Variants in SPIDR observed in about 807,000 individuals in gnomAD.
SPIDR encodes scaffold protein involved in DNA repair.
In SPIDR, 93 loss-of-function variants were observed where a neutral mutation model predicts 104.6. That is an observed-to-expected ratio of 0.89 (90% CI 0.75 to 1.06). The LOEUF (loss-of-function observed/expected upper bound fraction) is 1.06, where lower values mean the gene tolerates loss of function less well. SPIDR is among the 50% of genes least tolerant of loss of function. SPIDR has a pLI of 0.00. For missense variants in SPIDR, 1,154 were observed against 1,111.2 expected (o/e 1.04, Z -0.55); for synonymous variants, 431 against 416.9 (o/e 1.03, Z -0.41).
At chr8:47,636,926 G>GAACA (rs1236677216) in intron 10 of SPIDR, among the ~76,000 whole-genome samples, 1 of 152,080 alleles carries the variant, frequency 6.6e-6, no homozygotes, top group Non-Finnish European at 1.5e-5. Context: ...TCCTTCTGAG[G>GAACA]GTATTGATTA....
intron 5 of SPIDR, among the ~76,000 whole-genome samples, chr8:47,369,646 A>G (rs1014607808): frequency 4.6e-5 from 7 of 152,230 alleles, no homozygotes; most frequent in East Asian, 3.9e-4. Flanking sequence ...ATTGTCCCCA[A>G]TACAAGCCCA....
At chr8:47,362,408 T>A (rs2056198551) in intron 5 of SPIDR, among the ~76,000 whole-genome samples, 1 of 152,098 alleles carries the variant, frequency 6.6e-6, no homozygotes, top group Non-Finnish European at 1.5e-5. Flanking sequence ...CTTGAACACA[T>A]CTCCCCTGGT....
At position 47,653,389 on chromosome 8, in the gene SPIDR, G is replaced by A. The variant is rs540207433; in HGVS notation, c.1545-20412G>A. On this transcript the variant is annotated intron_variant, in intron 10 of 19. Transcript: ENST00000297423. ...CCAAATGGCCTCTCATTTGGTAGTC[G>A]GTTGGGGAATGCATGAGAGAAAATA... is the stretch of plus-strand genomic sequence containing the variant. 3.3e-5 allele frequency among the ~76,000 whole-genome samples: 5 copies of A among 152,242 alleles called. No individual in the cohort carries two copies. In the East Asian group the frequency reaches 5.8e-4, roughly 18 times the overall value.
chr8:47,655,108 T>G (rs1278143729), intron 10 of SPIDR, among the ~76,000 whole-genome samples: 2 of 152,358 alleles, frequency 1.3e-5, no homozygotes, highest in Non-Finnish European at 2.9e-5. Flanking sequence ...TGCCACATTT[T>G]CTTAATCCAG....
At chr8:47,390,587 C>T (rs1554651169) in intron 5 of SPIDR, among the ~76,000 whole-genome samples, 1 of 146,382 alleles carries the variant, frequency 6.8e-6, no homozygotes, top group African/African-American at 2.5e-5. Flanking sequence ...TCAACCATAC[C>T]ATTAAAAAAA....
chr8:47,366,445 C>G (rs1386757894), intron 5 of SPIDR, among the ~76,000 whole-genome samples: 1 of 151,942 alleles, frequency 6.6e-6, no homozygotes, highest in Admixed American at 6.6e-5. Flanking sequence ...AGGCTGTGCA[C>G]AGACAGAAAG....
In SPIDR at chr8:47,594,781, G is replaced by A. The variant is rs149259761; in HGVS notation, c.1098-1030G>A. On this transcript the variant is annotated intron_variant, in intron 8 of 19. Coordinates refer to ENST00000297423, the MANE Select transcript of SPIDR (RefSeq NM_001080394.4). ...GGCCAAGGTGGGTGGATCACTTGAA[G>A]TCAGGAGTTTGAGACCAATCTGGCC... 1.3e-3 allele frequency among the ~76,000 whole-genome samples: 191 copies of A among 152,188 alleles called. 1 individual carries two copies. In the East Asian group the frequency reaches 0.028, roughly 23 times the overall value.
chr8:47,518,152 A>G (rs970530295), intron 8 of SPIDR, among the ~76,000 whole-genome samples: 6 of 152,190 alleles, frequency 3.9e-5, no homozygotes, highest in African/African-American at 1.4e-4. Context: ...ATTGGTGGCA[A>G]TTCATAGATA....
At chr8:47,280,807 G>A (rs1364224892) in intron 2 of SPIDR, among the ~76,000 whole-genome samples, 2 of 152,162 alleles carry the variant, frequency 1.3e-5, no homozygotes, top group African/African-American at 2.4e-5. Context: ...CAGAGTGCCG[G>A]GATTATAGGT....
chr8:47,733,372 G>A (rs1032228346), intron 19 of SPIDR, among the ~76,000 whole-genome samples: 21 of 152,170 alleles, frequency 1.4e-4, no homozygotes, highest in Admixed American at 5.2e-4. Context: ...GGGTGACAGA[G>A]CAAGACTCAG....
At chr8:47,510,000 T>C (rs1397386521) in intron 8 of SPIDR, among the ~76,000 whole-genome samples, 1 of 152,198 alleles carries the variant, frequency 6.6e-6, no homozygotes, top group Non-Finnish European at 1.5e-5. Context: ...ATTTGTGTCA[T>C]GTCAAATGTT....
intron 10 of SPIDR, among the ~76,000 whole-genome samples, chr8:47,601,206 A>G (rs527631794): frequency 1.5e-4 from 23 of 152,032 alleles, no homozygotes; most frequent in African/African-American, 5.3e-4. Context: ...GTTAATGAAT[A>G]TGCATTCTGT....
At chr8:47,303,067 C>G (rs9643810) in intron 5 of SPIDR, among the ~76,000 whole-genome samples, 1 of 152,336 alleles carries the variant, frequency 6.6e-6, no homozygotes, top group African/African-American at 2.4e-5. Flanking sequence ...GGCAGGCAGG[C>G]CTCCTTGAGC....
chr8:47,500,597 G>C (rs778029401), intron 8 of SPIDR, among the ~76,000 whole-genome samples: 43 of 152,132 alleles, frequency 2.8e-4, no homozygotes, highest in Non-Finnish European at 5.4e-4. Flanking sequence ...TAGGTTGCCT[G>C]TTCACTCTGA....
chr8:47,473,620 T>C (rs782073883), intron 8 of SPIDR, among the ~76,000 whole-genome samples: 11 of 152,234 alleles, frequency 7.2e-5, no homozygotes, highest in Non-Finnish European at 1.5e-4. Flanking sequence ...CACACGCGTC[T>C]ATTTTAGCAC....
At chr8:47,637,238 C>G (rs868444488) in intron 10 of SPIDR, among the ~76,000 whole-genome samples, 21 of 152,302 alleles carry the variant, frequency 1.4e-4, no homozygotes, top group African/African-American at 4.8e-4. Context: ...TCTTTTATGA[C>G]TTTAACAGTT....
chr8:47,453,496 A>G (rs1004250340), intron 8 of SPIDR, among the ~76,000 whole-genome samples: 9 of 152,182 alleles, frequency 5.9e-5, no homozygotes, highest in African/African-American at 2.2e-4. Flanking sequence ...CAAAAACACC[A>G]TGGTACTGGT....
intron 8 of SPIDR, among the ~76,000 whole-genome samples, chr8:47,508,444 C>T (rs1208377526): frequency 6.6e-6 from 1 of 152,166 alleles, no homozygotes; most frequent in African/African-American, 2.4e-5. Flanking sequence ...TTCTCAAAGA[C>T]CTATGTGTCT....
intron 5 of SPIDR, among the ~76,000 whole-genome samples, chr8:47,317,754 A>T (rs1453330510): frequency 6.6e-6 from 1 of 152,224 alleles, no homozygotes; most frequent in East Asian, 1.9e-4. Flanking sequence ...CAAAACTTCC[A>T]GAGGAACAAT....
Sources: allele counts gnomAD v4.1 joint callset (sites outside exome capture counted in the v4.1 genomes callset), GRCh38; gene constraint gnomAD v4.1.1; transcripts MANE v1.5; gene names NCBI Gene and HGNC (gene_info 2026-07-23, HGNC 2026-07-21).